NTMT2: variants seen among roughly 807,000 people sequenced by gnomAD.
NTMT2 encodes the protein X-Pro-Lys N-terminal protein methyltransferase 1B.
A neutral mutation model predicts 23.4 loss-of-function variants in NTMT2; 21 were observed. The ratio of observed to expected loss-of-function variants is 0.90; its 90% CI spans 0.64 to 1.29. NTMT2 has a LOEUF of 1.29. NTMT2 is among the 50% of genes most tolerant of loss of function. The probability of loss-of-function intolerance (pLI) is 0.00; values close to 1 mark genes in which losing one functional copy is unlikely to be tolerated. For missense variants in NTMT2, 336 were observed against 352.0 expected (o/e 0.95, Z 0.36); for synonymous variants, 131 against 127.7 (o/e 1.03, Z -0.17).
chr1:170,159,864 T>C (rs571685191), intron 1 of NTMT2, among the ~76,000 whole-genome samples: 42 of 152,402 alleles, frequency 2.8e-4, no homozygotes, highest in African/African-American at 9.4e-4. Context: ...ATTTTTCTTA[T>C]ACATTTTTGA....
intron 1 of NTMT2, chr1:170,157,868 T>C (rs571429064): frequency 3.3e-4 from 51 of 152,250 alleles, no homozygotes; most frequent in African/African-American, 1.2e-3. Context: ...ATCTCCTTGC[T>C]TCTTGACTAC....
At chr1:170,166,863 T>G in intron 3 of NTMT2, 112 bp downstream of exon 3, 1 of 1,117,350 alleles carries the variant, frequency 8.9e-7, no homozygotes, top group South Asian at 1.6e-5. Flanking sequence ...CTTCAAGCAG[T>G]TAGCTAGCCT....
In NTMT2 at chr1:170,167,477, C is replaced by T. The variant is rs1463904442; in HGVS notation, c.581-9C>T. ...TCCTGTTCCCCCATCCACTTGGTCT[C>T]CCTTGTAGGGCACCTGACTGATAAG... On this transcript the variant is annotated splice_polypyrimidine_tract_variant and intron_variant, in intron 3 of 3. Transcript: ENST00000439373. The T allele has an allele frequency of 3.2e-6, 5 of 1,541,428 alleles. No individual in the cohort carries two copies. In the East Asian group the frequency reaches 1.2e-4, roughly 38 times the overall value.
intron 1 of NTMT2, among the ~76,000 whole-genome samples, chr1:170,147,215 T>G (rs1396252753): frequency 6.6e-6 from 1 of 152,242 alleles, no homozygotes; most frequent in African/African-American, 2.4e-5. Context: ...ATGAGGGATC[T>G]TTAATTCTAA....
intron 1 of NTMT2, among the ~76,000 whole-genome samples, chr1:170,150,373 G>A (rs560883149): frequency 6.6e-6 from 1 of 152,308 alleles, no homozygotes; most frequent in African/African-American, 2.4e-5. Context: ...GTGAGAACAA[G>A]CCTATCATTG....
At chr1:170,160,400 C>T in intron 1 of NTMT2, 118 bp from the exon 2 acceptor site, 1 of 910,010 alleles carries the variant, frequency 1.1e-6, no homozygotes, top group East Asian at 2.9e-5. Flanking sequence ...GACTTCAAAC[C>T]AGTGCTCTTT....
chr1:170,158,916 A>G (rs1673215031), intron 1 of NTMT2, among the ~76,000 whole-genome samples: 1 of 151,926 alleles, frequency 6.6e-6, no homozygotes, highest in Non-Finnish European at 1.5e-5. Context: ...TCAAAGATTT[A>G]TGAGTTTTTC....
rs1458991957 is a variant in NTMT2 at position 170,166,622 on chromosome 1, T to C, written c.451T>C (p.Phe151Leu). The C allele has an allele frequency of 4.2e-5, 65 of 1,551,846 alleles. No individual in the cohort carries two copies. The highest frequency in any genetic ancestry group is 7.8e-5 in the Admixed American group (4 of 50,970). ...GGAGCTGGTGGATATGATGGAATCC[T>C]TTCTCCTTGAAGCCCAGAACTACCT... The part of the protein sequence containing the change: ...SVELVDMMES[F>L]LLEAQNYLQV... The change falls in exon 3 of 4, where the codon TTT (phenylalanine) becomes CTT (leucine). Residue 151 changes from phenylalanine to leucine, a missense_variant. Coordinates refer to ENST00000439373, the MANE Select transcript of NTMT2 (RefSeq NM_001136107.2).
chr1:170,167,924 T>C lies in NTMT2; in HGVS notation c.*167T>C. The C allele has an allele frequency of 1.4e-6, 1 of 722,010 alleles. No individual in the cohort carries two copies. Among genetic ancestry groups the C allele is most frequent in the Non-Finnish European group, 2.2e-6 (1 of 454,104 alleles). 44.7% of individuals were successfully genotyped at this position (722,010 alleles called of 1,614,324 possible). On this transcript the variant is annotated 3_prime_UTR_variant, in exon 4 of 4. Coordinates refer to ENST00000439373, the MANE Select transcript of NTMT2 (RefSeq NM_001136107.2). ...TATGTACATGTTTTCAGTGATTATA[T>C]AATGCACACACTCTGATGAGACATG...
chr1:170,168,048 G>C lies in NTMT2; in HGVS notation c.*291G>C, dbSNP rs1384788676. ...GTATCTAAACTGTGCAAGCGTGCAT[G>C]AAAACAGAAGGCATAAAGGACAGCT... is the stretch of plus-strand genomic sequence containing the variant. On this transcript the variant is annotated 3_prime_UTR_variant, in exon 4 of 4. Coordinates refer to ENST00000439373, the MANE Select transcript of NTMT2 (RefSeq NM_001136107.2). Among the ~76,000 whole-genome samples, 1 of 151,816 alleles carries C rather than the reference G, an allele frequency of 6.6e-6. No homozygotes were observed.
chr1:170,168,185 A>T lies in NTMT2; in HGVS notation c.*428A>T, dbSNP rs1391439183. On this transcript the variant is annotated 3_prime_UTR_variant, in exon 4 of 4. Transcript: ENST00000439373. ...GAAATCAGCATTCTGTGCATCAAGG[A>T]AAACAAATAATTTAGCTTTGGGGGT... 6.6e-6 allele frequency among the ~76,000 whole-genome samples: 1 copy of T among 151,292 alleles called. No individual in the cohort carries two copies.
At chr1:170,163,892 C>T (rs953011643) in intron 2 of NTMT2, among the ~76,000 whole-genome samples, 18 of 152,088 alleles carry the variant, frequency 1.2e-4, no homozygotes, top group East Asian at 7.7e-4. Flanking sequence ...GACGCTGAGG[C>T]GGGTGGCTCA....
intron 1 of NTMT2, among the ~76,000 whole-genome samples, chr1:170,155,033 G>C (rs1342225163): frequency 1.3e-5 from 2 of 151,702 alleles, no homozygotes; most frequent in Non-Finnish European, 2.9e-5. Flanking sequence ...CTCCTGCTCT[G>C]CCATGTGACA....
rs779119366 is a variant in NTMT2 at position 170,167,506 on chromosome 1, C to T, written c.601C>T (p.Leu201Phe). Residue 201 changes from leucine to phenylalanine, a missense_variant, in exon 4 of 4, where the codon CTT becomes TTT. Coordinates refer to ENST00000439373, the MANE Select transcript of NTMT2 (RefSeq NM_001136107.2). ...WVSGHLTDKDLLAFLSRCRDG... is the reference protein window; with the variant it reads ...WVSGHLTDKDFLAFLSRCRDG... ...TGTAGGGCACCTGACTGATAAGGAC[C>T]TTCTTGCATTTCTTTCCCGGTGCCG... The T allele has an allele frequency of 1.3e-6, 2 of 1,550,792 alleles. No homozygotes were observed. The highest frequency in any genetic ancestry group is 1.7e-6 in the Non-Finnish European group (2 of 1,146,558).
intron 1 of NTMT2, chr1:170,151,573 A>C (rs943396802): frequency 2.0e-5 from 3 of 153,144 alleles, no homozygotes; most frequent in African/African-American, 7.2e-5. Context: ...TGCACAACTC[A>C]TTGTACAATG....
intron 1 of NTMT2, among the ~76,000 whole-genome samples, chr1:170,155,644 A>C (rs573958044): frequency 1.3e-5 from 2 of 152,168 alleles, no homozygotes; most frequent in South Asian, 4.1e-4. Flanking sequence ...TCATTTTTTA[A>C]TTGACAAACA....
chr1:170,164,018 A>T (rs1207324147), intron 2 of NTMT2, among the ~76,000 whole-genome samples: 1 of 149,070 alleles, frequency 6.7e-6, no homozygotes, highest in Non-Finnish European at 1.5e-5. Context: ...GCTACTCGGG[A>T]TGCTGAGGCA....
intron 1 of NTMT2, among the ~76,000 whole-genome samples, chr1:170,152,310 A>C (rs1466264493): frequency 2.6e-5 from 4 of 152,338 alleles, no homozygotes; most frequent in African/African-American, 9.6e-5. Context: ...AAATCTCATC[A>C]TGAAAAATCT....
At chr1:170,165,015 T>A (rs534036823) in intron 2 of NTMT2, among the ~76,000 whole-genome samples, 1 of 152,324 alleles carries the variant, frequency 6.6e-6, no homozygotes, top group South Asian at 2.1e-4. Flanking sequence ...ACTGGAAAGC[T>A]GCTTTTCTGA....
Sources: allele counts gnomAD v4.1 joint callset (sites outside exome capture counted in the v4.1 genomes callset), GRCh38; gene constraint gnomAD v4.1.1; transcripts MANE v1.5; gene names NCBI Gene and HGNC (gene_info 2026-07-23, HGNC 2026-07-21).